ITPR1: variants seen among roughly 807,000 people sequenced by gnomAD.
The protein encoded by ITPR1 is inositol 1,4,5-trisphosphate-gated calcium channel ITPR1.
ITPR1 carries 96 observed loss-of-function variants against 318.4 expected under a neutral mutation model. That is an observed-to-expected ratio of 0.30 (90% CI 0.26 to 0.36). ITPR1 has a LOEUF of 0.36. ITPR1 is among the 10% of genes least tolerant of loss of function. ITPR1 has a pLI of 1.00. For synonymous variants in ITPR1, 1,312 were observed against 1,289.9 expected (o/e 1.02, Z -0.37); for missense variants, 2,440 against 3,460.2 (o/e 0.71, Z 7.40).
At chr3:4,539,414 G>C (rs541909644) in intron 4 of ITPR1, among the ~76,000 whole-genome samples, 119 of 152,234 alleles carry the variant, frequency 7.8e-4, no homozygotes, top group African/African-American at 2.7e-3. Context: ...TAGGTGCAAT[G>C]TGCTATATAT....
In ITPR1 at chr3:4,630,007, C is replaced by CTAA. The variant is rs570814024; in HGVS notation, c.279+2130_279+2131insAAT. 3.2e-4 allele frequency among the ~76,000 whole-genome samples: 49 copies of CTAA among 152,128 alleles called. No homozygotes were observed. The South Asian group carries it at 7.7e-3, about 24-fold the overall frequency. ...CTCAATCCCAACAAAAGCATTGTAC[C>CTAA]TTCTTTAGAGCAAATATTATATGGC... On this transcript the variant is annotated intron_variant, in intron 5 of 61. Transcript: ENST00000649015.
rs4594601 is a variant in ITPR1 at position 4,645,130 on chromosome 3, C to T, written c.625-257C>T. On this transcript the variant is annotated intron_variant, in intron 8 of 61. Transcript: ENST00000649015. The stretch of plus-strand genomic sequence containing the variant: ...TTGGAGGAAAATGAAAATATCATTC[C>T]AGAAAGGCAGGAGGCTTGGTTCCAT... Among the ~76,000 whole-genome samples the T allele has an allele frequency of 0.18, 27,783 of 152,056 alleles. 3,200 individuals carry two copies. Among genetic ancestry groups the T allele is most frequent in the African/African-American group, 0.32 (13,343 of 41,426 alleles).
intron 44 of ITPR1, among the ~76,000 whole-genome samples, chr3:4,746,186 A>T (rs1386236732): frequency 6.6e-6 from 1 of 152,188 alleles, no homozygotes; most frequent in Non-Finnish European, 1.5e-5. Flanking sequence ...ATAGCCTTTT[A>T]GTGGCCTCCT....
At chr3:4,789,024 C>A (rs1241000908) in intron 52 of ITPR1, among the ~76,000 whole-genome samples, 2 of 152,156 alleles carry the variant, frequency 1.3e-5, no homozygotes, top group African/African-American at 2.4e-5. Context: ...GTTTTTTCTT[C>A]CCTTTTCTCC....
intron 60 of ITPR1, among the ~76,000 whole-genome samples, chr3:4,819,598 C>T (rs530866583): frequency 6.6e-6 from 1 of 152,270 alleles, no homozygotes; most frequent in Non-Finnish European, 1.5e-5. Flanking sequence ...ATTCCTAATC[C>T]TTTACATACA....
intron 4 of ITPR1, among the ~76,000 whole-genome samples, chr3:4,541,213 C>A (rs77230938): frequency 3.4e-3 from 510 of 152,042 alleles, no homozygotes; most frequent in Non-Finnish European, 5.4e-3. Context: ...ATTTACTATA[C>A]CTATCTTGGA....
intron 44 of ITPR1, among the ~76,000 whole-genome samples, chr3:4,753,349 C>T (rs550541098): frequency 5.3e-5 from 8 of 152,052 alleles, no homozygotes; most frequent in Non-Finnish European, 7.4e-5. Context: ...CTTGGATATG[C>T]GCTGCCGCCG....
rs112666182 is a variant in ITPR1 at position 4,841,008 on chromosome 3, T to G, written c.8190+4073T>G. Among the ~76,000 whole-genome samples, 1,019 of 152,360 alleles carry G rather than the reference T, an allele frequency of 6.7e-3. 11 individuals are homozygous for G. Among genetic ancestry groups the G allele is most frequent in the African/African-American group, 0.02 (827 of 41,584 alleles). ...TTTGGCATTTTTCATACAAGAGGGT[T>G]ATCTTGCTAACATTAACTGCTTAAG... is the stretch of plus-strand genomic sequence containing the variant. On this transcript the variant is annotated intron_variant, in intron 61 of 61. Transcript: ENST00000649015.
chr3:4,652,738 G>T (rs142433091), intron 11 of ITPR1, among the ~76,000 whole-genome samples: 15 of 152,224 alleles, frequency 9.9e-5, no homozygotes, highest in African/African-American at 2.6e-4. Flanking sequence ...TCTGTGAAGG[G>T]GCCAGGCACA....
At chr3:4,539,018 T>A (rs2084147152) in intron 4 of ITPR1, among the ~76,000 whole-genome samples, 1 of 152,182 alleles carries the variant, frequency 6.6e-6, no homozygotes, top group Non-Finnish European at 1.5e-5. Flanking sequence ...ATCCTGCACA[T>A]GTATTCCAGA....
intron 33 of ITPR1, among the ~76,000 whole-genome samples, chr3:4,696,694 A>G (rs1177286961): frequency 5.0e-5 from 3 of 60,398 alleles, no homozygotes; most frequent in African/African-American, 1.7e-4. Context: ...TTTTTTTTTG[A>G]CATTTGATAT....
chr3:4,627,854 C>G lies in ITPR1; in HGVS notation c.255C>G (p.Asp85Glu). The change falls in exon 5 of 62, where the codon GAC (aspartate) becomes GAG (glutamate). Residue 85 changes from aspartate to glutamate, a missense_variant. Coordinates refer to ENST00000649015, the MANE Select transcript of ITPR1 (RefSeq NM_001378452.1). ...AGCCTGGGGCCAACAGCACCACAGA[C>G]GCAGTGCTACTCAACAAACTGCACG... ...AAKPGANSTT[D>E]AVLLNKLHHA... 3.1e-6 allele frequency: 5 copies of G among 1,612,994 alleles called. No homozygotes were observed. The highest frequency in any genetic ancestry group is 4.2e-6 in the Non-Finnish European group (5 of 1,179,176).
intron 56 of ITPR1, among the ~76,000 whole-genome samples, chr3:4,812,840 C>T (rs2049026959): frequency 6.6e-6 from 1 of 152,188 alleles, no homozygotes; most frequent in Non-Finnish European, 1.5e-5. Flanking sequence ...ATAAATCTTG[C>T]CAGAGTCTGT....
intron 10 of ITPR1, among the ~76,000 whole-genome samples, chr3:4,649,197 T>C (rs1281269892): frequency 6.6e-6 from 1 of 152,202 alleles, no homozygotes; most frequent in Non-Finnish European, 1.5e-5. Context: ...AAGTGTTGTT[T>C]CACTGATTTA....
chr3:4,527,209 C>T (rs1375824973), intron 4 of ITPR1, among the ~76,000 whole-genome samples: 2 of 152,210 alleles, frequency 1.3e-5, no homozygotes, highest in African/African-American at 2.4e-5. Flanking sequence ...CAAGGTCTCA[C>T]TCTGTTGCCC....
chr3:4,744,928 CCTTCCTTCCTTCCTTCCT>C (rs2043976752), intron 44 of ITPR1, among the ~76,000 whole-genome samples: 7 of 118,066 alleles, frequency 5.9e-5, no homozygotes, highest in Non-Finnish European at 1.2e-4. Context: ...TTCCTTCCTT[CCTTCCTTCCTTCCTTCCT>C]TCCCTCCCTC....
intron 44 of ITPR1, among the ~76,000 whole-genome samples, chr3:4,736,455 T>C (rs920069095): frequency 2.0e-5 from 3 of 152,254 alleles, no homozygotes; most frequent in African/African-American, 4.8e-5. Flanking sequence ...GCCAGCACCC[T>C]TGTGCCTTGG....
Position 4,777,302 on chromosome 3 carries a change from C to A in ITPR1, c.6219C>A (p.Ile2073=). 1 of 1,607,222 alleles carries A rather than the reference C, an allele frequency of 6.2e-7. No homozygotes were observed. The highest frequency in any genetic ancestry group is 8.5e-7 in the Non-Finnish European group (1 of 1,176,638). The change falls in exon 48 of 62, where the codon ATC becomes ATA. Residue 2073 remains isoleucine, a synonymous_variant. Coordinates refer to ENST00000649015, the MANE Select transcript of ITPR1 (RefSeq NM_001378452.1). ...IATHESNGID[I]ITALILNDIN... ...CCCATGAATCCAATGGCATTGACAT[C>A]ATCACAGCCCTGATCCTCAATGATA...
chr3:4,565,668 C>T (rs1010154526), intron 4 of ITPR1, among the ~76,000 whole-genome samples: 10 of 152,104 alleles, frequency 6.6e-5, no homozygotes, highest in Non-Finnish European at 1.2e-4. Flanking sequence ...AGACGAAGGT[C>T]GGAATGGCTA....
Sources: allele counts gnomAD v4.1 joint callset (sites outside exome capture counted in the v4.1 genomes callset), GRCh38; gene constraint gnomAD v4.1.1; transcripts MANE v1.5; gene names NCBI Gene and HGNC (gene_info 2026-07-23, HGNC 2026-07-21).